The following ZNF418 variants were observed in gnomAD, a reference collection of about 807,000 sequenced individuals.
ZNF418 encodes zinc finger protein 418.
In ZNF418, 32 loss-of-function variants were observed where a neutral mutation model predicts 32.0. The observed-to-expected ratio is 1.00, with a 90% CI of 0.75 to 1.34. The LOEUF (loss-of-function observed/expected upper bound fraction) is 1.34. Among genes scored for constraint, ZNF418 ranks in the 40% most tolerant of loss-of-function variants. ZNF418 has a pLI of 0.00. For missense variants in ZNF418, 804 were observed against 812.5 expected (o/e 0.99, Z 0.13); for synonymous variants, 276 against 270.7 (o/e 1.02, Z -0.19).
At position 57,931,729 on chromosome 19, in the gene ZNF418, C is replaced by T. The variant is rs557034827; in HGVS notation, c.7-1175G>A. ...AGCCTTCTGTGGAGATGGGATCTTA[C>T]GTATGTGCAACATCAACCACTTTCT... is the stretch of plus-strand genomic sequence containing the variant. On this transcript the variant is annotated intron_variant, in intron 2 of 5. Transcript: ENST00000396147. Among the ~76,000 whole-genome samples the T allele has an allele frequency of 3.3e-5, 5 of 152,104 alleles. No individual in the cohort carries two copies. In the South Asian group the frequency reaches 6.2e-4, roughly 19 times the overall value.
Position 57,927,991 on chromosome 19 carries a change from G to T in ZNF418, c.190C>A (p.Gln64Lys), listed in dbSNP as rs768316463. 1 of 1,591,492 alleles carries T rather than the reference G, an allele frequency of 6.3e-7. No individual in the cohort carries two copies. Among genetic ancestry groups the T allele is most frequent in the South Asian group, 1.1e-5 (1 of 88,662 alleles). Residue 64 changes from glutamine to lysine, a missense_variant, in exon 4 of 6, where the codon CAA (glutamine) becomes AAA (lysine). Physicochemically the swap from Gln to Lys is moderately conservative, Grantham distance 53 (BLOSUM62 1). This residue lies in a region of ZNF418 where 307 missense variants were observed against 304.9 expected (regional missense o/e 1.01). Transcript: ENST00000396147. ...EAPSKKSISI[Q>K]RVSQVSTPGA... The stretch of plus-strand genomic sequence containing the variant: ...GGAGTGCTGACCTGAGACACTCTTT[G>T]TATAGAAATGCTCTTCTTAGAAGGT...
chr19:57,926,760 C>G lies in ZNF418; in HGVS notation c.1421G>C (p.Arg474Thr). ...RGKSHLIEHQRVHTGERPYEC... is the reference protein window; with the variant it reads ...RGKSHLIEHQTVHTGERPYEC... The stretch of plus-strand genomic sequence containing the variant: ...ATATGGCCTTTCTCCAGTGTGAACT[C>G]TCTGGTGTTCAATGAGGTGGGACTT... The change falls in exon 4 of 6, where the codon AGA becomes ACA. Residue 474 changes from arginine to threonine, a missense_variant. Physicochemically the swap from Arg to Thr is moderately conservative, Grantham distance 71 (BLOSUM62 -1). This residue lies in a region of ZNF418 where 475 missense variants were observed against 458.6 expected (regional missense o/e 1.04). Transcript: ENST00000396147. The G allele has an allele frequency of 6.2e-7, 1 of 1,614,206 alleles. No individual in the cohort carries two copies. The highest frequency in any genetic ancestry group is 8.5e-7 in the Non-Finnish European group (1 of 1,180,040).
At chr19:57,923,051 G>GC (rs1237183723) in intron 5 of ZNF418, 141 bp downstream of exon 5, 5 of 149,136 alleles carry the variant, frequency 3.4e-5, no homozygotes, top group African/African-American at 1.2e-4. Flanking sequence ...TGAAATCCCA[G>GC]CACTTTGGGA....
rs1023842397 is a variant in ZNF418, at chr19:57,924,132, C to T, written c.*528-843G>A. ...CTCCAGCCTGGGTCACAGAGCAACA[C>T]CTTGTCTTAGAAAAAAAAAAAAAGA... On this transcript the variant is annotated intron_variant, in intron 4 of 5. Transcript: ENST00000396147. 2.6e-5 allele frequency among the ~76,000 whole-genome samples: 4 copies of T among 151,064 alleles called. No individual in the cohort carries two copies. The South Asian group carries it at 6.3e-4, about 24-fold the overall frequency.
Position 57,935,141 on chromosome 19 carries a change from G to A in ZNF418, c.-81+20C>T, listed in dbSNP as rs775486388. Reference sequence around the variant, plus strand: ...TCGGGTTAGGATGAGGTGACCTGAGGGCAGGGAAGGCACAATTACCTGAGC... The same window carrying A: ...TCGGGTTAGGATGAGGTGACCTGAGAGCAGGGAAGGCACAATTACCTGAGC... On this transcript the variant is annotated intron_variant, in intron 1 of 5. Coordinates refer to ENST00000396147, the MANE Select transcript of ZNF418 (RefSeq NM_133460.3). The A allele has an allele frequency of 6.1e-6, 8 of 1,312,600 alleles. No homozygotes were observed. The highest frequency in any genetic ancestry group is 7.9e-6 in the Non-Finnish European group (8 of 1,012,736). The allele number at this position is 1,312,600 out of a possible 1,614,324, so 81.3% of individuals were successfully genotyped here. A position where few individuals can be genotyped will look rare whatever the true frequency, so the allele number is the denominator to read the frequency against.
chr19:57,926,483 A>T lies in ZNF418; in HGVS notation c.1698T>A (p.Tyr566Ter), dbSNP rs189701300. 1.9e-6 allele frequency: 3 copies of T among 1,612,210 alleles called. No individual in the cohort carries two copies. The South Asian group carries it at 3.3e-5, about 18-fold the overall frequency. ...AGAATTTCCCACATTCTCTGCACTC[A>T]TAAGGTCTTTCTGCAGTGTGAGTTT... ...HQKTHTAERP[Y>*]ECRECGKFFS... Residue 566 changes from tyrosine (Y) to a stop codon, truncating the protein, a stop_gained, in exon 4 of 6, where the codon TAT (tyrosine) becomes TAA (stop). Transcript: ENST00000396147. LOFTEE classifies it low-confidence loss of function (END_TRUNC).
chr19:57,933,971 C>A, intron 1 of ZNF418, 69 bp from the exon 2 acceptor site: 1 of 1,587,886 alleles, frequency 6.3e-7, no homozygotes. Flanking sequence ...CGAATTTTTA[C>A]CTCTAAGCAT....
chr19:57,926,143 T>C lies in ZNF418; in HGVS notation c.*7A>G. 6.3e-7 allele frequency: 1 copy of C among 1,598,808 alleles called. No homozygotes were observed. Among genetic ancestry groups the C allele is most frequent in the Non-Finnish European group, 8.5e-7 (1 of 1,171,732 alleles). On this transcript the variant is annotated 3_prime_UTR_variant, in exon 4 of 6. Transcript: ENST00000396147. Reference sequence around the variant, plus strand: ...AGGTTTAGCTAAAGAATTTCCCAAATTTCTTTTCACTTGTAAGGACTTCTT... The same window carrying C: ...AGGTTTAGCTAAAGAATTTCCCAAACTTCTTTTCACTTGTAAGGACTTCTT...
rs1258621762 is a variant in ZNF418 at position 57,926,199 on chromosome 19, G to A, written c.1982C>T (p.Ser661Phe). Residue 661 changes from serine to phenylalanine, a missense_variant, in exon 4 of 6, where the codon TCT (serine) becomes TTT (phenylalanine). Physicochemically the swap from Ser to Phe is radical, Grantham distance 155. Coordinates refer to ENST00000396147, the MANE Select transcript of ZNF418 (RefSeq NM_133460.3). ...ECGKSFHRSSSLLRHQRVHTE... is the reference protein window; with the variant it reads ...ECGKSFHRSSFLLRHQRVHTE... The stretch of plus-strand genomic sequence containing the variant: ...GTGAACTCTCTGATGTCGAAGGAGA[G>A]AAGAGCTTCGATGAAATGATTTTCC... 6.2e-7 allele frequency: 1 copy of A among 1,613,940 alleles called. No homozygotes were observed. The highest frequency in any genetic ancestry group is 1.3e-5 in the African/African-American group (1 of 74,942).
rs200431632 is a variant in ZNF418, at chr19:57,927,827, T to G, written c.354A>C (p.Lys118Asn). The change falls in exon 4 of 6, where the codon AAA becomes AAC. Residue 118 changes from lysine (K) to asparagine (N), a missense_variant. Physicochemically the swap from Lys to Asn is moderately conservative, Grantham distance 94. This residue lies in a region of ZNF418 where 307 missense variants were observed against 304.9 expected (regional missense o/e 1.01). Coordinates refer to ENST00000396147, the MANE Select transcript of ZNF418 (RefSeq NM_133460.3). Reference protein sequence around the residue: ...KLHRCEAWGNKLYDSSNRPHQ... With the variant: ...KLHRCEAWGNNLYDSSNRPHQ... ...GCGGACGGTTTGAACTATCATACAA[T>G]TTATTCCCCCATGCCTCACACCTGT... 3 of 1,614,098 alleles carry G rather than the reference T, an allele frequency of 1.9e-6. No homozygotes were observed. The highest frequency in any genetic ancestry group is 2.5e-6 in the Non-Finnish European group (3 of 1,179,982).
rs1017330092 is a variant in ZNF418, at chr19:57,926,810, T to C, written c.1371A>G (p.Arg457=). 2 of 1,613,850 alleles carry C rather than the reference T, an allele frequency of 1.2e-6. No individual in the cohort carries two copies. Among genetic ancestry groups the C allele is most frequent in the Non-Finnish European group, 1.7e-6 (2 of 1,179,936 alleles). ...SHTGERPYEC[R]ECRKLFRGKS... is the part of the protein sequence containing the mutation. ...TGCCCCTAAATAATTTCCTACACTC[T>C]CTACACTCATAAGGCCTTTCTCCAG... The change falls in exon 4 of 6, where the codon AGA becomes AGG. Residue 457 remains arginine, a synonymous_variant. Coordinates refer to ENST00000396147, the MANE Select transcript of ZNF418 (RefSeq NM_133460.3).
rs2072035167 is a variant in ZNF418 at position 57,922,647 on chromosome 19, T to A, written c.*626-18A>T. ...TGAGATCCCTGAAAAGAAAGAAAAT[T>A]CAGTTATACATTTGATACTTAAATA... On this transcript the variant is annotated intron_variant, in intron 5 of 5. Transcript: ENST00000396147. The A allele has an allele frequency of 2.5e-6, 1 of 398,414 alleles. No homozygotes were observed. Among genetic ancestry groups the A allele is most frequent in the Non-Finnish European group, 4.4e-6 (1 of 226,002 alleles). 24.7% of individuals were successfully genotyped at this position (398,414 alleles called of 1,614,324 possible). A position where few individuals can be genotyped will look rare whatever the true frequency, so the allele number is the denominator to read the frequency against.
At chr19:57,933,528 C>T (rs1297958000) in intron 2 of ZNF418, among the ~76,000 whole-genome samples, 1 of 152,166 alleles carries the variant, frequency 6.6e-6, no homozygotes, top group Non-Finnish European at 1.5e-5. Context: ...TGAGACTATC[C>T]TGGCTAACAC....
At position 57,922,612 on chromosome 19, in the gene ZNF418, G is replaced by GA. The variant is rs2072034376; in HGVS notation, c.*642dup. ...TATGAAAAGGTGAGGTGGGCAAAGG[G>GA]AAATGCCCTTGAGATCCCTGAAAAG... is the stretch of plus-strand genomic sequence containing the variant. On this transcript the variant is annotated 3_prime_UTR_variant, in exon 6 of 6. Coordinates refer to ENST00000396147, the MANE Select transcript of ZNF418 (RefSeq NM_133460.3). 2.5e-6 allele frequency: 1 copy of GA among 398,526 alleles called. No individual in the cohort carries two copies. The highest frequency in any genetic ancestry group is 4.4e-6 in the Non-Finnish European group (1 of 226,050). 24.7% of individuals were successfully genotyped at this position (398,526 alleles called of 1,614,324 possible). A position where few individuals can be genotyped will look rare whatever the true frequency, so the allele number is the denominator to read the frequency against.
chr19:57,923,355 A>G (rs1430807360), intron 4 of ZNF418, 66 bp from the exon 5 acceptor site: 1 of 151,798 alleles, frequency 6.6e-6, no homozygotes, highest in African/African-American at 2.4e-5. Flanking sequence ...TGCAGACGGG[A>G]GTATTTTTCT....
rs182518600 is a variant in ZNF418, at chr19:57,923,668, G to C, written c.*528-379C>G. ...TGGCTCACGGCAAGCTCCACCTCCC[G>C]GGTTCACTCCATTCTCCTGCCTCAG... is the stretch of plus-strand genomic sequence containing the variant. On this transcript the variant is annotated intron_variant, in intron 4 of 5. Transcript: ENST00000396147. Among the ~76,000 whole-genome samples the C allele has an allele frequency of 1.8e-3, 276 of 151,794 alleles. 1 individual carries two copies. Among genetic ancestry groups the C allele is most frequent in the Non-Finnish European group, 2.8e-3 (190 of 67,946 alleles).
rs2072273099 is a variant in ZNF418, at chr19:57,927,197, A to T, written c.984T>A (p.Thr328=). 6 of 1,610,802 alleles carry T rather than the reference A, an allele frequency of 3.7e-6. No individual in the cohort carries two copies. The highest frequency in any genetic ancestry group is 5.1e-6 in the Non-Finnish European group (6 of 1,179,286). ...TGTGAACTCGTTGATGTTTAATGAG[A>T]GTACCATTTTGACTAAAAGATTTCC... ...ECGKSFSQNG[T]LIKHQRVHTG... is the part of the protein sequence containing the mutation. Residue 328 remains threonine, a synonymous_variant, in exon 4 of 6, where the codon ACT becomes ACA. Transcript: ENST00000396147.
In ZNF418 at chr19:57,925,851, C is replaced by T; in HGVS notation, c.*299G>A. Reference sequence around the variant, plus strand: ...GGTATGTCAATTTAGGCAGATGGCTCCGTCATAAGGCATCTCCTCCAGTGT... The same window carrying T: ...GGTATGTCAATTTAGGCAGATGGCTTCGTCATAAGGCATCTCCTCCAGTGT... On this transcript the variant is annotated 3_prime_UTR_variant, in exon 4 of 6. Coordinates refer to ENST00000396147, the MANE Select transcript of ZNF418 (RefSeq NM_133460.3). 3.3e-6 allele frequency: 1 copy of T among 303,684 alleles called. No individual in the cohort carries two copies. Among genetic ancestry groups the T allele is most frequent in the East Asian group, 5.6e-5 (1 of 17,942 alleles). 18.8% of individuals were successfully genotyped at this position (303,684 alleles called of 1,614,324 possible).
chr19:57,930,559 T>G lies in ZNF418; in HGVS notation c.7-5A>C. 2 of 1,613,962 alleles carry G rather than the reference T, an allele frequency of 1.2e-6. No individual in the cohort carries two copies. Among genetic ancestry groups the G allele is most frequent in the Non-Finnish European group, 1.7e-6 (2 of 1,179,944 alleles). On this transcript the variant is annotated splice_polypyrimidine_tract_variant and splice_region_variant and intron_variant, in intron 2 of 5. Coordinates refer to ENST00000396147, the MANE Select transcript of ZNF418 (RefSeq NM_133460.3). ...ATCTTCAAATGCCACAGTGCCCTGC[T>G]ATGATGGTGACAGATGAAACCACAA...
Sources: allele counts gnomAD v4.1 joint callset (sites outside exome capture counted in the v4.1 genomes callset), GRCh38; gene constraint gnomAD v4.1.1; regional missense constraint gnomAD v4.1.1; transcripts MANE v1.5; gene names NCBI Gene and HGNC (gene_info 2026-07-23, HGNC 2026-07-21).